SCML4: variants seen among roughly 807,000 people sequenced by gnomAD.
SCML4 encodes the protein sex comb on midleg-like protein 4.
A neutral mutation model predicts 41.1 loss-of-function variants in SCML4; 34 were observed. That is an observed-to-expected ratio of 0.83 (90% CI 0.63 to 1.10). The LOEUF (loss-of-function observed/expected upper bound fraction) is 1.10, where lower values mean the gene tolerates loss of function less well. SCML4 is among the 50% of genes least tolerant of loss of function. The pLI, the probability that SCML4 is intolerant of heterozygous loss-of-function variation, is 0.00. For missense variants in SCML4, 522 were observed against 534.1 expected, an observed-to-expected ratio of 0.98 and a Z score of 0.22; for synonymous variants, 214 against 220.9, an observed-to-expected ratio of 0.97 and a Z score of 0.28.
intron 1 of SCML4, among the ~76,000 whole-genome samples, chr6:107,790,509 C>T (rs907281466): frequency 5.3e-5 from 8 of 152,284 alleles, no homozygotes; most frequent in Non-Finnish European, 8.8e-5. Context: ...TCTAGGTCTT[C>T]TCCCCTTCGC....
At chr6:107,826,212 C>G (rs1785249810), upstream of SCML4, among the ~76,000 whole-genome samples, 1 of 148,766 alleles carries the variant, frequency 6.7e-6, no homozygotes, top group Non-Finnish European at 1.5e-5. Flanking sequence ...CCATTGCACT[C>G]CAGCTTGGGT....
At chr6:107,839,970 T>C in the SCML4 span, among the ~76,000 whole-genome samples, 1 of 152,192 alleles carries the variant, frequency 6.6e-6, no homozygotes. Context: ...ATAAAAATTA[T>C]AAACACAATT....
At chr6:107,817,398 C>T (rs2114297359) in intron 1 of SCML4, among the ~76,000 whole-genome samples, 1 of 152,204 alleles carries the variant, frequency 6.6e-6, no homozygotes, top group South Asian at 2.1e-4. Flanking sequence ...GGGCAGATCA[C>T]CTAACGTCAG....
chr6:107,718,562 G>A (rs1325571405), intron 6 of SCML4: 1 of 152,498 alleles, frequency 6.6e-6, no homozygotes, highest in Non-Finnish European at 1.5e-5. Context: ...GGTGTGAGGG[G>A]CTGGGGGACA....
At chr6:107,728,798 T>G (rs558117109) in intron 5 of SCML4, among the ~76,000 whole-genome samples, 2 of 152,242 alleles carry the variant, frequency 1.3e-5, no homozygotes, top group Non-Finnish European at 1.5e-5. Flanking sequence ...TCTGCCCAGG[T>G]GGACAACTGT....
At chr6:107,831,779 C>T in the SCML4 span, among the ~76,000 whole-genome samples, 14 of 152,008 alleles carry the variant, frequency 9.2e-5, no homozygotes, top group Non-Finnish European at 1.6e-4. Context: ...TTAGTCCAGG[C>T]GAGGTGGCTC....
At chr6:107,763,575 C>T (rs1434818581) in intron 2 of SCML4, among the ~76,000 whole-genome samples, 2 of 152,056 alleles carry the variant, frequency 1.3e-5, no homozygotes, top group Non-Finnish European at 2.9e-5. Context: ...TTAGTAGAGA[C>T]AGGGTTTCAC....
At chr6:107,839,365 GAAGGAAA>G in the SCML4 span, among the ~76,000 whole-genome samples, 1 of 25,510 alleles carries the variant, frequency 3.9e-5, no homozygotes, top group African/African-American at 2.1e-4. Context: ...AAGAAAGAAA[GAAGGAAA>G]GAAAGAAAGA....
chr6:107,781,681 A>G (rs956897192), intron 1 of SCML4, among the ~76,000 whole-genome samples: 3 of 152,068 alleles, frequency 2.0e-5, no homozygotes, highest in African/African-American at 4.8e-5. Flanking sequence ...AAAAAAAAAA[A>G]AAAGAAAGAA....
chr6:107,822,250 C>T (rs1283136618), intron 1 of SCML4, among the ~76,000 whole-genome samples: 2 of 152,118 alleles, frequency 1.3e-5, no homozygotes, highest in African/African-American at 4.8e-5. Context: ...GTTCTTGCAG[C>T]AAGTGACAGT....
intron 5 of SCML4, chr6:107,744,089 T>G (rs1777837891): frequency 6.6e-6 from 1 of 152,232 alleles, no homozygotes; most frequent in African/African-American, 2.4e-5. Context: ...AATAACTGGA[T>G]TCCAGTTGTA....
intron 1 of SCML4, among the ~76,000 whole-genome samples, chr6:107,806,884 C>A (rs1015396579): frequency 2.0e-5 from 3 of 152,224 alleles, no homozygotes; most frequent in African/African-American, 7.2e-5. Context: ...CTGGGCAGAG[C>A]TTCAGGCCCC....
Position 107,705,254 on chromosome 6 carries a change from TC to T in SCML4, c.1190del (p.Gly397AspfsTer4). On this transcript the variant is annotated frameshift_variant, in exon 8 of 8. Transcript: ENST00000369020. LOFTEE classifies it high-confidence loss of function. ...TGTGGTAGCAGAGTTTCAGTGCAGG[TC>T]CCAGCTTCAGGCCCAGGTACTTCAT... Reference protein sequence around the residue: ...MVMKYLGLKLGPALKLCYHID... With the variant: ...MVMKYLGLKLXPALKLCYHID... 1 of 1,551,428 alleles carries T rather than the reference TC, an allele frequency of 6.4e-7. No individual in the cohort carries two copies. The highest frequency in any genetic ancestry group is 8.7e-7 in the Non-Finnish European group (1 of 1,146,644).
At chr6:107,712,979 G>A (rs573479751) in intron 6 of SCML4, among the ~76,000 whole-genome samples, 4 of 152,360 alleles carry the variant, frequency 2.6e-5, no homozygotes, top group Admixed American at 2.0e-4. Context: ...TGAGGACATC[G>A]TGCTTGGTCT....
At chr6:107,839,744 T>C in the SCML4 span, among the ~76,000 whole-genome samples, 1 of 152,128 alleles carries the variant, frequency 6.6e-6, no homozygotes, top group Non-Finnish European at 1.5e-5. Flanking sequence ...ACAAGTACTA[T>C]AAATATGACT....
At chr6:107,825,639 A>C (rs150208749), upstream of SCML4, among the ~76,000 whole-genome samples, 8 of 152,306 alleles carry the variant, frequency 5.3e-5, no homozygotes, top group East Asian at 1.4e-3. Flanking sequence ...AGAGGAGAAG[A>C]AAAGAAAATA....
upstream of SCML4, among the ~76,000 whole-genome samples, chr6:107,824,952 T>C (rs1335443826): frequency 6.6e-6 from 1 of 152,092 alleles, no homozygotes; most frequent in Admixed American, 6.5e-5. Context: ...CCACAACATA[T>C]GTGTACAGTT....
chr6:107,749,888 G>A (rs1778470760), intron 2 of SCML4, 75 bp from the exon 3 acceptor site: 6 of 1,503,752 alleles, frequency 4.0e-6, no homozygotes, highest in Non-Finnish European at 5.5e-6. Context: ...TGTCCTAGAC[G>A]GCAGTTAACC....
intron 2 of SCML4, among the ~76,000 whole-genome samples, chr6:107,766,835 T>C (rs544655834): frequency 8.5e-4 from 129 of 152,038 alleles, no homozygotes; most frequent in Admixed American, 1.1e-3. Flanking sequence ...TGTCATAATT[T>C]CCCCCACAGA....
Sources: allele counts gnomAD v4.1 joint callset (sites outside exome capture counted in the v4.1 genomes callset), GRCh38; gene constraint gnomAD v4.1.1; transcripts MANE v1.5; gene names NCBI Gene and HGNC (gene_info 2026-07-23, HGNC 2026-07-21).